Variants in PIGU observed in about 807,000 individuals in gnomAD.
The protein encoded by PIGU is GPI-anchor transamidase component PIGU.
Under a neutral mutation model 49.9 loss-of-function variants are expected in PIGU, and 24 were observed. That is an observed-to-expected ratio of 0.48 (90% CI 0.35 to 0.68). The LOEUF is 0.68. Among genes scored for constraint, PIGU ranks in the 30% least tolerant of loss-of-function variants. The pLI is 0.01. For missense variants in PIGU, 490 were observed against 532.6 expected (o/e 0.92, Z 0.79); for synonymous variants, 220 against 205.7 (o/e 1.07, Z -0.59).
intron 6 of PIGU, among the ~76,000 whole-genome samples, chr20:34,631,029 TA>T (rs542863507): frequency 2.0e-5 from 3 of 149,162 alleles, no homozygotes; most frequent in Admixed American, 1.3e-4. Context: ...AACAAACAAT[TA>T]AAAAAAAATA....
chr20:34,659,195 A>T (rs1986832663), intron 1 of PIGU, among the ~76,000 whole-genome samples: 1 of 132,144 alleles, frequency 7.6e-6, no homozygotes, highest in African/African-American at 2.9e-5. Flanking sequence ...CCCGTCCAGG[A>T]GGGAGGTGGG....
chr20:34,652,328 TG>T (rs1568659513), intron 2 of PIGU, among the ~76,000 whole-genome samples: 1 of 152,156 alleles, frequency 6.6e-6, no homozygotes, highest in Non-Finnish European at 1.5e-5. Flanking sequence ...TTTTGACCTA[TG>T]TATACATCCA....
At chr20:34,589,840 G>C (rs1983882608) in intron 7 of PIGU, among the ~76,000 whole-genome samples, 1 of 151,346 alleles carries the variant, frequency 6.6e-6, no homozygotes, top group South Asian at 2.1e-4. Context: ...ATTTTCAGTA[G>C]AGACAGGGTT....
intron 6 of PIGU, among the ~76,000 whole-genome samples, chr20:34,626,939 G>A (rs1473776852): frequency 6.6e-6 from 1 of 151,794 alleles, no homozygotes; most frequent in East Asian, 1.9e-4. Context: ...TTAATATTAT[G>A]TGGTAAAATG....
intron 1 of PIGU, among the ~76,000 whole-genome samples, chr20:34,674,975 A>T (rs1434435216): frequency 6.7e-6 from 1 of 149,062 alleles, no homozygotes; most frequent in African/African-American, 2.5e-5. Context: ...GAGGCCAGGC[A>T]TGGCGGCTCA....
At chr20:34,566,781 C>T (rs1476642274) in intron 11 of PIGU, among the ~76,000 whole-genome samples, 10 of 152,114 alleles carry the variant, frequency 6.6e-5, no homozygotes, top group Admixed American at 6.5e-5. Flanking sequence ...TTCCACAACC[C>T]CCTAGGGTCT....
At position 34,666,687 on chromosome 20, in the gene PIGU, CTTTTTTTTTTTT is replaced by C. The variant is rs918644106; in HGVS notation, c.131-9455_131-9444del. 2.4e-3 allele frequency among the ~76,000 whole-genome samples: 218 copies of C among 90,610 alleles called. 1 individual carries two copies. The highest frequency in any genetic ancestry group is 8.9e-3 in the African/African-American group (205 of 22,960). The allele number at this position is 90,610 out of a possible 152,430, so 59.4% of individuals were successfully genotyped here. On this transcript the variant is annotated intron_variant, in intron 1 of 11. Transcript: ENST00000217446. Reference sequence around the variant, plus strand: ...AGTGCACCACTGCACCTGACTAATTCTTTTTTTTTTTTTTTTTTTTTTTTTTTGAGACAGAGT... The same window carrying C: ...AGTGCACCACTGCACCTGACTAATTCTTTTTTTTTTTTTTTGAGACAGAGT...
intron 7 of PIGU, among the ~76,000 whole-genome samples, chr20:34,600,751 T>C (rs1600617108): frequency 6.6e-6 from 1 of 152,066 alleles, no homozygotes; most frequent in Admixed American, 6.5e-5. Context: ...AAAGCAGTTA[T>C]TGGCCGGGCA....
At chr20:34,646,752 A>G (rs1986359036) in intron 2 of PIGU, among the ~76,000 whole-genome samples, 1 of 152,154 alleles carries the variant, frequency 6.6e-6, no homozygotes, top group African/African-American at 2.4e-5. Flanking sequence ...TCTAACTTCC[A>G]GTAACATTTC....
In PIGU at chr20:34,581,467, G is replaced by A. The variant is rs1356396728; in HGVS notation, c.1051+81C>T. The A allele has an allele frequency of 1.8e-5, 27 of 1,539,608 alleles. No individual in the cohort carries two copies. In the East Asian group the frequency reaches 5.6e-4, roughly 32 times the overall value. ...CCAGCATAACAGGTGCCTGGTAAAT[G>A]CCTATGAATTCCTTTTCCCTGCAGC... On this transcript the variant is annotated intron_variant, in intron 10 of 11. Coordinates refer to ENST00000217446, the MANE Select transcript of PIGU (RefSeq NM_080476.5).
At chr20:34,567,893 T>TC (rs1218455279) in intron 11 of PIGU, among the ~76,000 whole-genome samples, 1 of 150,780 alleles carries the variant, frequency 6.6e-6, no homozygotes, top group African/African-American at 2.4e-5. Flanking sequence ...ATCCTACCCA[T>TC]CCCTCAGGAC....
At chr20:34,568,985 G>A (rs1001204871) in intron 11 of PIGU, among the ~76,000 whole-genome samples, 1 of 152,084 alleles carries the variant, frequency 6.6e-6, no homozygotes, top group African/African-American at 2.4e-5. Flanking sequence ...TGAGGCAGGA[G>A]TTTGGCTTGA....
rs528214206 is a variant in PIGU at position 34,651,304 on chromosome 20, C to T, written c.195+5876G>A. ...GGTCCTGCACTCCAATTTGTATTTC[C>T]CCAGCACCCTGAGACTGCCAATAGC... On this transcript the variant is annotated intron_variant, in intron 2 of 11. Transcript: ENST00000217446. 9.2e-5 allele frequency among the ~76,000 whole-genome samples: 14 copies of T among 152,266 alleles called. No homozygotes were observed. In the South Asian group the frequency reaches 2.9e-3, roughly 32 times the overall value.
At chr20:34,632,891 T>C (rs1335471513) in intron 6 of PIGU, among the ~76,000 whole-genome samples, 1 of 147,448 alleles carries the variant, frequency 6.8e-6, no homozygotes, top group African/African-American at 2.5e-5. Flanking sequence ...ATAAAACCTA[T>C]AAACTATTTG....
At chr20:34,623,706 G>A (rs1330162073) in intron 6 of PIGU, among the ~76,000 whole-genome samples, 4 of 152,174 alleles carry the variant, frequency 2.6e-5, no homozygotes, top group African/African-American at 9.7e-5. Flanking sequence ...ATTCTGCTAA[G>A]GAAGCACGCT....
chr20:34,615,722 G>T (rs1324260827), intron 7 of PIGU, among the ~76,000 whole-genome samples: 1 of 152,056 alleles, frequency 6.6e-6, no homozygotes, highest in African/African-American at 2.4e-5. Flanking sequence ...CTGCCTGTTA[G>T]TCACTTAGTA....
intron 1 of PIGU, among the ~76,000 whole-genome samples, chr20:34,658,203 C>T (rs1266592466): frequency 3.3e-5 from 5 of 152,250 alleles, no homozygotes; most frequent in Admixed American, 1.3e-4. Context: ...CTGTGTTGGC[C>T]GGGCCGGTCT....
intron 6 of PIGU, among the ~76,000 whole-genome samples, chr20:34,622,095 G>A (rs1302211343): frequency 6.6e-6 from 1 of 152,058 alleles, no homozygotes. Flanking sequence ...AACACAAAAG[G>A]GGCTCCCGTG....
chr20:34,594,984 C>A (rs1236294209), intron 7 of PIGU, among the ~76,000 whole-genome samples: 2 of 146,696 alleles, frequency 1.4e-5, no homozygotes, highest in African/African-American at 5.0e-5. Context: ...CCTAGCTACT[C>A]GGGAGGCCGA....
Sources: allele counts gnomAD v4.1 joint callset (sites outside exome capture counted in the v4.1 genomes callset), GRCh38; gene constraint gnomAD v4.1.1; transcripts MANE v1.5; gene names NCBI Gene and HGNC (gene_info 2026-07-23, HGNC 2026-07-21).